SLC6A17: variants seen among roughly 807,000 people sequenced by gnomAD.
SLC6A17 encodes the protein sodium-dependent neutral amino acid transporter SLC6A17.
Under a neutral mutation model 64.5 loss-of-function variants are expected in SLC6A17, and 21 were observed. That is an observed-to-expected ratio of 0.33 (90% CI 0.23 to 0.47). The LOEUF is 0.47. Among genes scored for constraint, SLC6A17 ranks in the 20% least tolerant of loss-of-function variants. The pLI is 1.00. For missense variants in SLC6A17, 682 were observed against 963.2 expected (o/e 0.71, Z 3.86); for synonymous variants, 372 against 399.5 (o/e 0.93, Z 0.82).
At chr1:110,170,156 C>G (rs1351475675) in intron 2 of SLC6A17, among the ~76,000 whole-genome samples, 1 of 152,208 alleles carries the variant, frequency 6.6e-6, no homozygotes, top group Admixed American at 6.5e-5. Flanking sequence ...CCCTGCACAT[C>G]TTGCCCCACC....
chr1:110,187,731 G>C (rs1656722787), intron 6 of SLC6A17, among the ~76,000 whole-genome samples: 1 of 152,206 alleles, frequency 6.6e-6, no homozygotes, highest in African/African-American at 2.4e-5. Context: ...TGACATTTGC[G>C]AATACCAGAG....
At position 110,192,367 on chromosome 1, in the gene SLC6A17, G is replaced by A. The variant is rs772484550; in HGVS notation, c.1107-139G>A. ...AGGAGCACTCTCTGTCCCCAGCTCC[G>A]GGCCACAGGGACAAGCTCAGAGATG... On this transcript the variant is annotated intron_variant, in intron 7 of 11. Coordinates refer to ENST00000331565, the MANE Select transcript of SLC6A17 (RefSeq NM_001010898.4). This position sits in a 1 kb window ranked among gnomAD's most constrained non-coding sequence, Gnocchi z 4.3. The A allele has an allele frequency of 2.1e-4, 303 of 1,442,962 alleles. No individual in the cohort carries two copies. The highest frequency in any genetic ancestry group is 6.2e-4 in the Admixed American group (28 of 44,918). 89.4% of individuals were successfully genotyped at this position (1,442,962 alleles called of 1,614,324 possible).
intron 3 of SLC6A17, 40 bp downstream of exon 3, chr1:110,172,257 G>A (rs769339379): frequency 6.5e-7 from 1 of 1,543,696 alleles, no homozygotes; most frequent in South Asian, 1.2e-5. Context: ...TGGGAGGCAG[G>A]GGGCTGCTCC....
At chr1:110,152,737 A>G (rs1430523982) in intron 1 of SLC6A17, among the ~76,000 whole-genome samples, 1 of 152,176 alleles carries the variant, frequency 6.6e-6, no homozygotes, top group Admixed American at 6.5e-5. Flanking sequence ...GGAGTCTCAG[A>G]GTTTCCTCAG....
At chr1:110,174,757 G>A (rs1178725977) in intron 4 of SLC6A17, 22 bp from the exon 5 acceptor site, 3 of 1,611,480 alleles carry the variant, frequency 1.9e-6, no homozygotes, top group African/African-American at 2.7e-5. Context: ...CTGAGGCCCT[G>A]TGACCTTTGC....
intron 8 of SLC6A17, 43 bp from the exon 9 acceptor site, chr1:110,194,536 G>A (rs769240060): frequency 1.9e-6 from 3 of 1,597,260 alleles, no homozygotes; most frequent in Non-Finnish European, 8.6e-7. Context: ...GGCTCCCCAG[G>A]GAGGGGTGAC....
chr1:110,179,780 C>T (rs559167149), intron 6 of SLC6A17, among the ~76,000 whole-genome samples: 246 of 152,068 alleles, frequency 1.6e-3, no homozygotes, highest in South Asian at 0.011. Context: ...CTCGAACTCC[C>T]GACCTCAGAT....
At chr1:110,186,716 G>A (rs1656694493) in intron 6 of SLC6A17, among the ~76,000 whole-genome samples, 1 of 152,096 alleles carries the variant, frequency 6.6e-6, no homozygotes, top group African/African-American at 2.4e-5. Context: ...ACACGTGCCA[G>A]CACTGTTCAT....
At chr1:110,169,849 T>A (rs1193717409) in intron 2 of SLC6A17, among the ~76,000 whole-genome samples, 1 of 152,176 alleles carries the variant, frequency 6.6e-6, no homozygotes, top group Admixed American at 6.5e-5. Context: ...AAGGTTGATA[T>A]GAAAAAATAC....
At chr1:110,165,761 G>A (rs1266385045) in intron 1 of SLC6A17, among the ~76,000 whole-genome samples, 24 of 149,510 alleles carry the variant, frequency 1.6e-4, no homozygotes, top group Admixed American at 1.2e-3. Context: ...GAGAACAAAC[G>A]GAGCCCAGCT....
chr1:110,177,433 T>C (rs1186789282), intron 6 of SLC6A17, among the ~76,000 whole-genome samples: 1 of 152,200 alleles, frequency 6.6e-6, no homozygotes, highest in Non-Finnish European at 1.5e-5. Flanking sequence ...CCAGGTTCCC[T>C]AAAGACGGTC....
chr1:110,176,582 C>G, intron 5 of SLC6A17, 47 bp from the exon 6 acceptor site: 1 of 1,569,690 alleles, frequency 6.4e-7, no homozygotes, highest in Non-Finnish European at 8.8e-7. Context: ...GGGGTGCCAG[C>G]TGCAGGAAGG....
intron 1 of SLC6A17, among the ~76,000 whole-genome samples, chr1:110,155,908 C>T (rs1314525137): frequency 6.6e-6 from 1 of 152,190 alleles, no homozygotes; most frequent in East Asian, 1.9e-4. Context: ...GGAGCAGAAG[C>T]AATGTTTGCT....
At chr1:110,162,255 G>A (rs903181374) in intron 1 of SLC6A17, among the ~76,000 whole-genome samples, 1 of 152,238 alleles carries the variant, frequency 6.6e-6, no homozygotes, top group Non-Finnish European at 1.5e-5. Context: ...GCTCCAGTGG[G>A]CTCTCAGCTG....
chr1:110,168,520 T>C (rs1050355615), intron 2 of SLC6A17, among the ~76,000 whole-genome samples: 3 of 152,202 alleles, frequency 2.0e-5, no homozygotes, highest in African/African-American at 7.2e-5. Flanking sequence ...GAAAGATCTT[T>C]TTTACTTTTT....
chr1:110,184,173 T>A (rs693373), intron 6 of SLC6A17, among the ~76,000 whole-genome samples: 1 of 151,918 alleles, frequency 6.6e-6, no homozygotes. Context: ...TGCAGTGGCG[T>A]GATCTTGGCT....
Position 110,172,093 on chromosome 1 carries a change from T to A in SLC6A17, c.320T>A (p.Ile107Asn). 6.2e-7 allele frequency: 1 copy of A among 1,614,146 alleles called. No individual in the cohort carries two copies. Among genetic ancestry groups the A allele is most frequent in the East Asian group, 2.2e-5 (1 of 44,874 alleles). ...AYLVPYLVLL[I>N]IIGIPLFFLE... ...CTGGTGCCCTACCTGGTGCTGCTGA[T>A]CATCATCGGGATCCCCCTCTTCTTC... The change falls in exon 3 of 12, where the codon ATC becomes AAC. Residue 107 changes from isoleucine (I) to asparagine (N), a missense_variant. Transcript: ENST00000331565.
intron 1 of SLC6A17, among the ~76,000 whole-genome samples, chr1:110,153,549 G>GTGTT (rs1655665878): frequency 6.6e-6 from 1 of 151,926 alleles, no homozygotes; most frequent in Non-Finnish European, 1.5e-5. Context: ...GTGTGTGTGT[G>GTGTT]TGCATTGCAT....
At chr1:110,162,844 A>G (rs1171910310) in intron 1 of SLC6A17, among the ~76,000 whole-genome samples, 3 of 152,062 alleles carry the variant, frequency 2.0e-5, no homozygotes, top group Non-Finnish European at 4.4e-5. Flanking sequence ...AGTACAATGT[A>G]TCCTCCTCAC....
Sources: gnomAD v4.1 joint callset for allele counts (sites outside exome capture counted in the v4.1 genomes callset) on GRCh38, gnomAD v4.1.1 for gene constraint, Gnocchi (gnomAD v3.1) non-coding constraint, MANE v1.5 for transcripts, NCBI Gene and HGNC (gene_info 2026-07-23, HGNC 2026-07-21) for gene names.